ARHGEF11: variants seen among roughly 807,000 people sequenced by gnomAD.
ARHGEF11 encodes the protein Rho guanine exchange factor (GEF) 11.
A neutral mutation model predicts 193.7 loss-of-function variants in ARHGEF11; 55 were observed. That is an observed-to-expected ratio of 0.28 (90% confidence interval 0.23 to 0.36). The LOEUF (loss-of-function observed/expected upper bound fraction) is 0.36, where lower values mean the gene tolerates loss of function less well. Among genes scored for constraint, ARHGEF11 ranks in the 10% least tolerant of loss-of-function variants. The pLI is 1.00. For missense variants in ARHGEF11, 1,723 were observed against 2,005.6 expected, an observed-to-expected ratio of 0.86 and a Z score of 2.69; for synonymous variants, 693 against 768.0, an observed-to-expected ratio of 0.90 and a Z score of 1.62.
rs1657766427 is a variant in ARHGEF11, at chr1:156,944,545, A to C, written c.2992-112T>G. 7 of 1,164,514 alleles carry C rather than the reference A, an allele frequency of 6.0e-6. No individual in the cohort carries two copies. The South Asian group carries it at 9.2e-5, about 15-fold the overall frequency. 72.1% of individuals were successfully genotyped at this position (1,164,514 alleles called of 1,614,324 possible). A position where few individuals can be genotyped will look rare whatever the true frequency, so the allele number is the denominator to read the frequency against. The stretch of plus-strand genomic sequence containing the variant: ...AAGGTGCTGGGAATTGGTAAATAAG[A>C]AAAAGTCCTTGCCCTTACTCTCTTG... On this transcript the variant is annotated intron_variant, in intron 30 of 40. Transcript: ENST00000368194.
At chr1:157,032,706 T>C (rs1264172508) in intron 1 of ARHGEF11, among the ~76,000 whole-genome samples, 1 of 152,152 alleles carries the variant, frequency 6.6e-6, no homozygotes, top group Admixed American at 6.5e-5. Flanking sequence ...CTTCACCTCC[T>C]ATTCTCACTT....
intron 3 of ARHGEF11, among the ~76,000 whole-genome samples, chr1:156,981,077 G>A (rs1015783808): frequency 6.6e-6 from 1 of 151,910 alleles, no homozygotes; most frequent in African/African-American, 2.4e-5. Flanking sequence ...AGCCCAAGCT[G>A]GAGTGCAGAG....
At chr1:157,039,367 A>G (rs1672454072) in intron 1 of ARHGEF11, among the ~76,000 whole-genome samples, 1 of 152,190 alleles carries the variant, frequency 6.6e-6, no homozygotes, top group South Asian at 2.1e-4. Context: ...GCAGGTAAGC[A>G]CCTTTGCAAG....
chr1:156,979,731 CAA>C (rs1663852346), intron 4 of ARHGEF11, among the ~76,000 whole-genome samples: 1 of 152,236 alleles, frequency 6.6e-6, no homozygotes, highest in South Asian at 2.1e-4. Context: ...CTTGTTTACT[CAA>C]GTCACACTAT....
rs752601763 is a variant in ARHGEF11 at position 156,938,406 on chromosome 1, G to A, written c.4192+12C>T. On this transcript the variant is annotated intron_variant, in intron 38 of 40. Coordinates refer to ENST00000368194, the MANE Select transcript of ARHGEF11 (RefSeq NM_198236.3). ...CTTGGCCTGTCTTTAGCTCCAAGGA[G>A]AAAGTTATTACCCGTAGCCTTTGTT... 8.1e-6 allele frequency: 13 copies of A among 1,611,366 alleles called. No homozygotes were observed. Among genetic ancestry groups the A allele is most frequent in the Middle Eastern group, 1.7e-4 (1 of 6,058 alleles).
intron 1 of ARHGEF11, among the ~76,000 whole-genome samples, chr1:157,042,732 C>T (rs902012931): frequency 1.3e-5 from 2 of 152,164 alleles, no homozygotes; most frequent in Non-Finnish European, 2.9e-5. Context: ...GGAAGGCTCA[C>T]CGCCTCCTCC....
intron 4 of ARHGEF11, 133 bp from the exon 5 acceptor site, chr1:156,979,419 G>A: frequency 3.1e-6 from 2 of 637,384 alleles, no homozygotes; most frequent in Non-Finnish European, 5.3e-6. Flanking sequence ...AGGCTGGAGT[G>A]CAGTGGCCCA....
At chr1:156,991,196 C>T (rs2102544510) in intron 1 of ARHGEF11, among the ~76,000 whole-genome samples, 1 of 152,298 alleles carries the variant, frequency 6.6e-6, no homozygotes, top group East Asian at 1.9e-4. Flanking sequence ...ATCAGTATCA[C>T]TAGTAACAAC....
chr1:156,951,777 C>T (rs889369411), intron 21 of ARHGEF11, 78 bp from the exon 22 acceptor site: 12 of 1,585,408 alleles, frequency 7.6e-6, no homozygotes, highest in Non-Finnish European at 8.6e-6. Context: ...TCCCCAGATC[C>T]CAGAAGACAG....
intron 1 of ARHGEF11, among the ~76,000 whole-genome samples, chr1:157,008,068 C>T (rs1311695620): frequency 6.6e-6 from 1 of 152,084 alleles, no homozygotes; most frequent in African/African-American, 2.4e-5. Flanking sequence ...CTATTCAGTT[C>T]TCAGTTGCCC....
chr1:157,036,865 C>A (rs1320476245), intron 1 of ARHGEF11, among the ~76,000 whole-genome samples: 1 of 152,104 alleles, frequency 6.6e-6, no homozygotes. Context: ...GTGGCTTACA[C>A]CTGTAATCCC....
chr1:156,977,215 C>T lies in ARHGEF11; in HGVS notation c.511-161G>A, dbSNP rs182844434. The stretch of plus-strand genomic sequence containing the variant: ...TGCCGGAATGCAGTAAACACAAAAT[C>T]TTATTTTGAGTTTATGCCTCAATTT... On this transcript the variant is annotated intron_variant, in intron 6 of 40. Transcript: ENST00000368194. Among the ~76,000 whole-genome samples, 278 of 152,282 alleles carry T rather than the reference C, an allele frequency of 1.8e-3. 2 individuals are homozygous for T. Among genetic ancestry groups the T allele is most frequent in the Middle Eastern group, 3.4e-3 (1 of 294 alleles).
Position 156,937,591 on chromosome 1 carries a change from C to A in ARHGEF11, c.4193-95G>T, listed in dbSNP as rs577954151. 141 of 1,332,724 alleles carry A rather than the reference C, an allele frequency of 1.1e-4. No homozygotes were observed. In the African/African-American group the frequency reaches 1.8e-3, roughly 17 times the overall value. 82.6% of individuals were successfully genotyped at this position (1,332,724 alleles called of 1,614,324 possible). A position where few individuals can be genotyped will look rare whatever the true frequency, so the allele number is the denominator to read the frequency against. On this transcript the variant is annotated intron_variant, in intron 38 of 40. Coordinates refer to ENST00000368194, the MANE Select transcript of ARHGEF11 (RefSeq NM_198236.3). ...GGGATTCCCCAGCCACCTGACAGAG[C>A]AGGCCAGGCAGTCCTCTCCAGACAA...
chr1:156,970,128 C>T (rs573471571), intron 8 of ARHGEF11, 85 bp from the exon 9 acceptor site: 2 of 1,222,410 alleles, frequency 1.6e-6, no homozygotes, highest in East Asian at 4.7e-5. Context: ...GCCTTATTTG[C>T]TTACAATTAG....
At chr1:156,974,292 T>C (rs898827724) in intron 7 of ARHGEF11, among the ~76,000 whole-genome samples, 2 of 152,136 alleles carry the variant, frequency 1.3e-5, no homozygotes, top group Non-Finnish European at 1.5e-5. Context: ...GGTGTTGAAC[T>C]CGTAGGCTCA....
At chr1:157,024,215 A>G (rs1670361562) in intron 1 of ARHGEF11, among the ~76,000 whole-genome samples, 1 of 152,212 alleles carries the variant, frequency 6.6e-6, no homozygotes, top group South Asian at 2.1e-4. Context: ...TTTATATGAA[A>G]TGTCCCAAAT....
chr1:156,984,378 T>C lies in ARHGEF11; in HGVS notation c.184A>G (p.Ser62Gly). The change falls in exon 3 of 41, where the codon AGT becomes GGT. Residue 62 changes from serine to glycine, a missense_variant. Physicochemically the swap from Ser to Gly is moderately conservative, Grantham distance 56. Coordinates refer to ENST00000368194, the MANE Select transcript of ARHGEF11 (RefSeq NM_198236.3). ...KDQHGFGFTV[S>G]GDRIVLVQSV... ...TGCACCAGAACAATGCGATCCCCAC[T>C]GACTGTGAAGCCGAAGCCATGCTGG... is the stretch of plus-strand genomic sequence containing the variant. 1 of 1,599,170 alleles carries C rather than the reference T, an allele frequency of 6.3e-7. No homozygotes were observed. Among genetic ancestry groups the C allele is most frequent in the Non-Finnish European group, 8.5e-7 (1 of 1,172,850 alleles).
Position 156,984,340 on chromosome 1 carries a change from A to G in ARHGEF11, c.222T>C (p.Pro74=), listed in dbSNP as rs140253233. The G allele has an allele frequency of 6.8e-5, 107 of 1,583,026 alleles. 1 individual carries two copies. Among genetic ancestry groups the G allele is most frequent in the Non-Finnish European group, 9.1e-5 (106 of 1,163,920 alleles). Reference sequence around the variant, plus strand: ...GGGCAGGAGGGATGCAGCACTCACCAGGCCGCACAGACTGCACCAGAACAA... The same window carrying G: ...GGGCAGGAGGGATGCAGCACTCACCGGGCCGCACAGACTGCACCAGAACAA... ...DRIVLVQSVR[P]GGAAMKAGVK... is the part of the protein sequence containing the mutation. The change falls in exon 3 of 41, where the codon CCT becomes CCC. Residue 74 remains proline, a splice_region_variant and synonymous_variant. Coordinates refer to ENST00000368194, the MANE Select transcript of ARHGEF11 (RefSeq NM_198236.3).
At chr1:157,002,885 T>C (rs545366145) in intron 1 of ARHGEF11, among the ~76,000 whole-genome samples, 5 of 152,238 alleles carry the variant, frequency 3.3e-5, no homozygotes, top group Non-Finnish European at 5.9e-5. Flanking sequence ...TGTGTGACTT[T>C]AGGCAAGTTA....
Sources: allele counts gnomAD v4.1 joint callset (sites outside exome capture counted in the v4.1 genomes callset), GRCh38; gene constraint gnomAD v4.1.1; transcripts MANE v1.5; gene names NCBI Gene and HGNC (gene_info 2026-07-23, HGNC 2026-07-21).